Variants in PARN observed in about 807,000 individuals in gnomAD.
PARN encodes the protein poly(A)-specific ribonuclease PARN.
In PARN, 71 loss-of-function variants were observed where a neutral mutation model predicts 102.8. The observed-to-expected ratio is 0.69, with a 90% CI of 0.57 to 0.84. The LOEUF (loss-of-function observed/expected upper bound fraction) is 0.84, where lower values mean the gene tolerates loss of function less well. Ranked by LOEUF, PARN falls within the 40% of genes least tolerant of loss-of-function variation. The probability of loss-of-function intolerance (pLI) is 0.00; values close to 1 mark genes in which losing one functional copy is unlikely to be tolerated. For missense variants in PARN, 782 were observed against 760.9 expected (o/e 1.03, Z -0.33); for synonymous variants, 261 against 252.9 (o/e 1.03, Z -0.30).
intron 22 of PARN, among the ~76,000 whole-genome samples, chr16:14,454,383 AT>A (rs1961592339): frequency 6.6e-6 from 1 of 152,216 alleles, no homozygotes; most frequent in Non-Finnish European, 1.5e-5. Flanking sequence ...TCTTAATAGT[AT>A]CTTTTGAAGA....
At chr16:14,563,522 G>GTGTGTGTGTATA (rs1423811963) in intron 18 of PARN, among the ~76,000 whole-genome samples, 1 of 149,148 alleles carries the variant, frequency 6.7e-6, no homozygotes, top group Admixed American at 6.7e-5. Context: ...GTGTGTGTGT[G>GTGTGTGTGTATA]TATATAATTC....
chr16:14,545,519 C>T (rs891883838), intron 21 of PARN, among the ~76,000 whole-genome samples: 7 of 152,108 alleles, frequency 4.6e-5, no homozygotes, highest in Admixed American at 6.5e-5. Context: ...ATACAACTAA[C>T]GCAGTACTTA....
At chr16:14,627,591 T>C (rs1206877440) in intron 3 of PARN, among the ~76,000 whole-genome samples, 2 of 152,236 alleles carry the variant, frequency 1.3e-5, no homozygotes, top group Non-Finnish European at 2.9e-5. Context: ...TTAAAATAAC[T>C]GCCTCATATT....
At chr16:14,603,962 C>T (rs908108782) in intron 11 of PARN, among the ~76,000 whole-genome samples, 184 bp downstream of exon 11, 2 of 152,222 alleles carry the variant, frequency 1.3e-5, no homozygotes, top group South Asian at 4.1e-4. Flanking sequence ...ACTTTGCTAG[C>T]TACGTCTCAT....
chr16:14,582,196 T>C lies in PARN; in HGVS notation c.1177A>G (p.Met393Val). ...TAATGCGTACCTAGGTAATTGGCCA[T>C]GGAGATGAAGCACAGCCCTGTGATG... ...AYITGLCFIS[M>V]ANYLGSFLSP... is the part of the protein sequence containing the mutation. Residue 393 changes from methionine to valine, a missense_variant, in exon 17 of 24, where the codon ATG becomes GTG. Transcript: ENST00000437198. The C allele has an allele frequency of 1.9e-6, 3 of 1,605,902 alleles. No homozygotes were observed. Among genetic ancestry groups the C allele is most frequent in the Non-Finnish European group, 2.6e-6 (3 of 1,172,486 alleles).
chr16:14,528,278 C>T (rs1966118321), intron 21 of PARN, among the ~76,000 whole-genome samples: 1 of 152,174 alleles, frequency 6.6e-6, no homozygotes, highest in South Asian at 2.1e-4. Context: ...GTGGGACCCC[C>T]ACAAGAGGCT....
At chr16:14,573,726 G>A (rs889806046) in intron 18 of PARN, among the ~76,000 whole-genome samples, 3 of 152,154 alleles carry the variant, frequency 2.0e-5, no homozygotes, top group East Asian at 1.9e-4. Flanking sequence ...GATAGTGAGT[G>A]AGTCTCACGA....
At chr16:14,580,839 G>T in intron 18 of PARN, 35 bp downstream of exon 18, 1 of 1,301,222 alleles carries the variant, frequency 7.7e-7, no homozygotes, top group Non-Finnish European at 1.1e-6. Flanking sequence ...TCCACAGTGA[G>T]AGAACTTGGA....
At chr16:14,589,734 CA>C (rs1409435087) in intron 13 of PARN, among the ~76,000 whole-genome samples, 1 of 151,776 alleles carries the variant, frequency 6.6e-6, no homozygotes, top group Non-Finnish European at 1.5e-5. Context: ...GGCATGGTGG[CA>C]AGCGCCTGTT....
intron 22 of PARN, among the ~76,000 whole-genome samples, chr16:14,466,395 C>T (rs913196012): frequency 2.0e-5 from 3 of 152,134 alleles, no homozygotes; most frequent in African/African-American, 7.2e-5. Flanking sequence ...AAAATCACTA[C>T]TGCGATGTTA....
intron 5 of PARN, among the ~76,000 whole-genome samples, chr16:14,622,184 C>G (rs1005017810): frequency 3.3e-5 from 5 of 152,010 alleles, no homozygotes; most frequent in African/African-American, 1.2e-4. Flanking sequence ...CAGAGTGAGA[C>G]TCCGTCTCAA....
At chr16:14,603,694 T>A (rs1237253107) in intron 11 of PARN, among the ~76,000 whole-genome samples, 1 of 152,154 alleles carries the variant, frequency 6.6e-6, no homozygotes, top group African/African-American at 2.4e-5. Context: ...GTCTCCTGCC[T>A]CCAGTCTTAC....
At chr16:14,453,309 T>A (rs1961545108) in intron 22 of PARN, among the ~76,000 whole-genome samples, 1 of 152,216 alleles carries the variant, frequency 6.6e-6, no homozygotes, top group Non-Finnish European at 1.5e-5. Flanking sequence ...AGGGTGAACA[T>A]CTCCAGTACT....
At chr16:14,491,221 C>T (rs910247158) in intron 21 of PARN, among the ~76,000 whole-genome samples, 3 of 150,240 alleles carry the variant, frequency 2.0e-5, no homozygotes, top group South Asian at 4.3e-4. Context: ...TTCTGTTAAA[C>T]CCTTCGGCAT....
intron 23 of PARN, among the ~76,000 whole-genome samples, chr16:14,445,908 G>C (rs2092521080): frequency 6.6e-6 from 1 of 152,212 alleles, no homozygotes; most frequent in Non-Finnish European, 1.5e-5. Flanking sequence ...CTGGGACTTT[G>C]GGCAACTCAC....
chr16:14,524,321 G>C (rs1406602325), intron 21 of PARN, among the ~76,000 whole-genome samples: 1 of 152,056 alleles, frequency 6.6e-6, no homozygotes, highest in African/African-American at 2.4e-5. Context: ...TCATACCCTT[G>C]GTCCATCACG....
intron 21 of PARN, among the ~76,000 whole-genome samples, chr16:14,538,921 C>T (rs192123988): frequency 6.6e-6 from 1 of 152,266 alleles, no homozygotes; most frequent in East Asian, 1.9e-4. Context: ...TATGAGGAAT[C>T]TAGGTTGTGC....
At chr16:14,593,564 A>G (rs1970331795) in intron 12 of PARN, among the ~76,000 whole-genome samples, 186 bp from the exon 13 acceptor site, 1 of 147,014 alleles carries the variant, frequency 6.8e-6, no homozygotes, top group East Asian at 2.0e-4. Flanking sequence ...TTCCTCCTCC[A>G]TTTTGGAATG....
chr16:14,616,833 A>T (rs1322323475), intron 6 of PARN, among the ~76,000 whole-genome samples: 1 of 152,172 alleles, frequency 6.6e-6, no homozygotes, highest in Non-Finnish European at 1.5e-5. Context: ...CACTAGCTGG[A>T]AAAGAGGGTT....
Sources: allele counts gnomAD v4.1 joint callset (sites outside exome capture counted in the v4.1 genomes callset), GRCh38; gene constraint gnomAD v4.1.1; transcripts MANE v1.5; gene names NCBI Gene and HGNC (gene_info 2026-07-23, HGNC 2026-07-21).